Variants in TBPL1 observed in about 807,000 individuals in gnomAD.
TBPL1 encodes TATA-box binding protein like 1.
In TBPL1, 4 loss-of-function variants were observed where a neutral mutation model predicts 22.1. The observed-to-expected ratio is 0.18, with a 90% CI of 0.09 to 0.41. The LOEUF (loss-of-function observed/expected upper bound fraction) is 0.41. Among genes scored for constraint, TBPL1 ranks in the 10% least tolerant of loss-of-function variants. TBPL1 has a pLI of 1.00. For missense variants in TBPL1, 115 were observed against 222.3 expected (o/e 0.52, Z 3.07); for synonymous variants, 64 against 71.0 (o/e 0.90, Z 0.50).
chr6:133,957,791 G>A (rs773251994), intron 1 of TBPL1, among the ~76,000 whole-genome samples: 6 of 152,188 alleles, frequency 3.9e-5, no homozygotes, highest in Non-Finnish European at 5.9e-5. Flanking sequence ...CTACTACTAC[G>A]TTACAGGGTT....
At chr6:133,965,880 T>C (rs1776109465) in intron 1 of TBPL1, among the ~76,000 whole-genome samples, 1 of 152,226 alleles carries the variant, frequency 6.6e-6, no homozygotes. Context: ...CATGTGCAAG[T>C]ACTGTGCCAA....
rs6931318 is a variant in TBPL1, at chr6:133,953,865, A to C, written c.-45+440A>C. On this transcript the variant is annotated intron_variant, in intron 1 of 6. Coordinates refer to ENST00000237264, the MANE Select transcript of TBPL1 (RefSeq NM_004865.4). ...GTCCGTTGCTTCTCAGAAAACTTACAGCGGCTTCTCTAATAGCTCCCAAAA... is the reference window on the plus strand; with the variant it reads ...GTCCGTTGCTTCTCAGAAAACTTACCGCGGCTTCTCTAATAGCTCCCAAAA... Among the ~76,000 whole-genome samples the C allele has an allele frequency of 9.0e-3, 1,365 of 152,232 alleles. 29 individuals carry two copies. The highest frequency in any genetic ancestry group is 0.031 in the African/African-American group (1,283 of 41,538).
intron 1 of TBPL1, among the ~76,000 whole-genome samples, chr6:133,959,807 CTT>C (rs1443745957): frequency 6.6e-6 from 1 of 152,178 alleles, no homozygotes; most frequent in African/African-American, 2.4e-5. Flanking sequence ...CTATCACACT[CTT>C]TTTCAGGGAC....
At chr6:133,956,035 A>G (rs1207905909) in intron 1 of TBPL1, among the ~76,000 whole-genome samples, 2 of 152,336 alleles carry the variant, frequency 1.3e-5, no homozygotes, top group South Asian at 4.1e-4. Context: ...TATTTAAAAA[A>G]ATCAGAAAAT....
At chr6:133,959,827 G>T (rs960867206) in intron 1 of TBPL1, among the ~76,000 whole-genome samples, 19 of 152,200 alleles carry the variant, frequency 1.2e-4, no homozygotes, top group African/African-American at 4.3e-4. Context: ...GACAGATGTT[G>T]CTGTCTTTCA....
intron 1 of TBPL1, among the ~76,000 whole-genome samples, chr6:133,958,817 G>T (rs72982261): frequency 0.011 from 1,660 of 152,164 alleles, 14 homozygotes; most frequent in Non-Finnish European, 0.018. Flanking sequence ...AATGTGCAGG[G>T]TAAAGTGTTA....
chr6:133,972,300 C>T (rs1776236995), intron 1 of TBPL1, among the ~76,000 whole-genome samples: 1 of 152,188 alleles, frequency 6.6e-6, no homozygotes, highest in African/African-American at 2.4e-5. Flanking sequence ...TTCAGATCCA[C>T]TCAAATCACT....
At chr6:133,985,989 A>G (rs1056018170) in intron 6 of TBPL1, 2 of 152,216 alleles carry the variant, frequency 1.3e-5, no homozygotes, top group African/African-American at 2.4e-5. Context: ...AAAACTCTGT[A>G]TTTACTGAGT....
chr6:133,952,566 C>T (rs1775851417), upstream of TBPL1: 1 of 152,384 alleles, frequency 6.6e-6, no homozygotes, highest in Non-Finnish European at 1.5e-5. The surrounding 1 kb of genome is among the most constrained non-coding windows in gnomAD (Gnocchi z 4.5). Context: ...TTCCTTCCCT[C>T]CGTCTGTCAT....
Position 133,989,920 on chromosome 6 carries a change from TTG to T in TBPL1, c.*2886_*2887del, listed in dbSNP as rs751935531. 6.6e-6 allele frequency: 1 copy of T among 152,364 alleles called. No individual in the cohort carries two copies. Among genetic ancestry groups the T allele is most frequent in the Non-Finnish European group, 1.5e-5 (1 of 68,036 alleles). 9.4% of individuals were successfully genotyped at this position (152,364 alleles called of 1,614,324 possible). ...TAGGTTGTTCGTGCTTTTAAGTTTT[TTG>T]TGTGTCTTCCATCACTTAAATATTA... On this transcript the variant is annotated 3_prime_UTR_variant, in exon 7 of 7. Coordinates refer to ENST00000237264, the MANE Select transcript of TBPL1 (RefSeq NM_004865.4).
At chr6:133,976,799 C>T (rs1182735131) in intron 1 of TBPL1, among the ~76,000 whole-genome samples, 2 of 151,794 alleles carry the variant, frequency 1.3e-5, no homozygotes, top group African/African-American at 4.8e-5. Flanking sequence ...GCAACCTGGC[C>T]AAGATGGTGA....
chr6:133,959,448 T>G (rs1775983552), intron 1 of TBPL1, among the ~76,000 whole-genome samples: 1 of 152,164 alleles, frequency 6.6e-6, no homozygotes, highest in African/African-American at 2.4e-5. Flanking sequence ...TAACACATTG[T>G]TAATTTTTCT....
intron 1 of TBPL1, among the ~76,000 whole-genome samples, chr6:133,972,790 A>G (rs1199110742): frequency 1.3e-5 from 2 of 152,198 alleles, no homozygotes; most frequent in Non-Finnish European, 2.9e-5. Flanking sequence ...TGGTGAATCC[A>G]TCTGTCAGTA....
At chr6:133,971,584 GTTGT>G (rs1562660985) in intron 1 of TBPL1, among the ~76,000 whole-genome samples, 54 of 41,050 alleles carry the variant, frequency 1.3e-3, no homozygotes, top group Middle Eastern at 0.02. Context: ...CATAGGTGTT[GTTGT>G]TGTTGTTGTT....
At chr6:133,984,700 T>G (rs1052903315) in intron 6 of TBPL1, 29 bp downstream of exon 6, 3 of 1,527,286 alleles carry the variant, frequency 2.0e-6, no homozygotes, top group South Asian at 1.1e-5. Flanking sequence ...ACCACACTTA[T>G]CAATTATGGA....
At chr6:133,975,856 T>C (rs900726668) in intron 1 of TBPL1, among the ~76,000 whole-genome samples, 1 of 152,210 alleles carries the variant, frequency 6.6e-6, no homozygotes, top group Non-Finnish European at 1.5e-5. Flanking sequence ...ATGTTTATTT[T>C]TTAAGCTGAA....
At chr6:133,977,807 T>C (rs1341842612) in intron 1 of TBPL1, among the ~76,000 whole-genome samples, 1 of 152,198 alleles carries the variant, frequency 6.6e-6, no homozygotes, top group African/African-American at 2.4e-5. Context: ...CTTGTTGTTC[T>C]ACCATCCTCA....
rs574568758 is a variant in TBPL1 at position 133,966,824 on chromosome 6, G to A, written c.-44-13258G>A. ...TACTACTTTGCATTTTCAAACCACA[G>A]TACTACCACTGTGGTCCGTCCTGTC... is the stretch of plus-strand genomic sequence containing the variant. On this transcript the variant is annotated intron_variant, in intron 1 of 6. Coordinates refer to ENST00000237264, the MANE Select transcript of TBPL1 (RefSeq NM_004865.4). Among the ~76,000 whole-genome samples the A allele has an allele frequency of 2.7e-5, 4 of 149,826 alleles. No homozygotes were observed. The South Asian group carries it at 6.3e-4, about 24-fold the overall frequency.
At chr6:133,955,170 A>G (rs951022361) in intron 1 of TBPL1, among the ~76,000 whole-genome samples, 1 of 150,890 alleles carries the variant, frequency 6.6e-6, no homozygotes, top group Non-Finnish European at 1.5e-5. Context: ...ATCTTTGTGC[A>G]TATGAGACTT....
Sources: gnomAD v4.1 joint callset for allele counts (sites outside exome capture counted in the v4.1 genomes callset) on GRCh38, gnomAD v4.1.1 for gene constraint, Gnocchi (gnomAD v3.1) non-coding constraint, MANE v1.5 for transcripts, NCBI Gene and HGNC (gene_info 2026-07-23, HGNC 2026-07-21) for gene names.